The following IMPDH2 variants were observed in gnomAD, a reference collection of about 807,000 sequenced individuals.
IMPDH2 encodes inosine monophosphate dehydrogenase 2, also known as inosine-5'-monophosphate dehydrogenase 2.
Under a neutral mutation model 57.8 loss-of-function variants are expected in IMPDH2, and 33 were observed. The ratio of observed to expected loss-of-function variants is 0.57; its 90% CI spans 0.43 to 0.76. IMPDH2 has a LOEUF of 0.76. IMPDH2 is among the 30% of genes least tolerant of loss of function. IMPDH2 has a pLI of 0.00. For synonymous variants in IMPDH2, 270 were observed against 241.3 expected, an observed-to-expected ratio of 1.12 and a Z score of -1.10; for missense variants, 446 against 659.1, an observed-to-expected ratio of 0.68 and a Z score of 3.54.
intron 4 of IMPDH2, 62 bp from the exon 5 acceptor site, chr3:49,027,978 C>G: frequency 3.1e-6 from 4 of 1,275,388 alleles, no homozygotes; most frequent in Non-Finnish European, 4.5e-6. Context: ...GGCTCTTGAT[C>G]TGAAGCATGG....
chr3:49,028,853 C>A (rs1189243233), intron 1 of IMPDH2, 47 bp from the exon 2 acceptor site: 3 of 1,433,502 alleles, frequency 2.1e-6, no homozygotes, highest in Admixed American at 3.4e-5. Context: ...CAGCTTAGGG[C>A]AGCATGAGAC....
chr3:49,024,797 G>C lies in IMPDH2; in HGVS notation c.1301C>G (p.Ala434Gly). The C allele has an allele frequency of 6.2e-7, 1 of 1,614,220 alleles. No individual in the cohort carries two copies. The highest frequency in any genetic ancestry group is 8.5e-7 in the Non-Finnish European group (1 of 1,180,036). Residue 434 changes from alanine to glycine, a missense_variant, in exon 12 of 14, where the codon GCT (alanine) becomes GGT (glycine). Coordinates refer to ENST00000326739, the MANE Select transcript of IMPDH2 (RefSeq NM_000884.3). ...LSSQNRYFSE[A>G]DKIKVAQGVS... ...TCCCTGGGCCACTTTGATTTTGTCA[G>C]CTTCACTGCAGGGAGAGGCAGAGAC...
intron 4 of IMPDH2, 52 bp from the exon 5 acceptor site, chr3:49,027,968 G>A (rs2093206483): frequency 1.4e-6 from 2 of 1,383,586 alleles, no homozygotes; most frequent in South Asian, 2.4e-5. Context: ...ACTTTCATCA[G>A]GCTCTTGATC....
At chr3:49,025,099 C>A (rs746662160) in intron 10 of IMPDH2, 27 bp downstream of exon 10, 9 of 1,614,254 alleles carry the variant, frequency 5.6e-6, no homozygotes, top group Non-Finnish European at 7.6e-6. Flanking sequence ...GGGGGTCCCA[C>A]TGGCCTTCAC....
rs2106780966 is a variant in IMPDH2 at position 49,024,523 on chromosome 3, C to G, written c.1495G>C (p.Val499Leu). 2 of 1,614,182 alleles carry G rather than the reference C, an allele frequency of 1.2e-6. No homozygotes were observed. The highest frequency in any genetic ancestry group is 1.7e-6 in the Non-Finnish European group (2 of 1,180,026). The part of the protein sequence containing the change: ...KFEKRTSSAQ[V>L]EGGVHSLHSY... ...TGGAGGCTATGGACGCCACCTTCCA[C>G]CTGGGCTGAGGACGTTCTCTTCTCA... The change falls in exon 13 of 14, where the codon GTG (valine) becomes CTG (leucine). Residue 499 changes from valine (V) to leucine (L), a missense_variant. Coordinates refer to ENST00000326739, the MANE Select transcript of IMPDH2 (RefSeq NM_000884.3).
rs768940524 is a variant in IMPDH2, at chr3:49,029,371, G to T, written c.-21C>A. 14 of 1,527,600 alleles carry T rather than the reference G, an allele frequency of 9.2e-6. No homozygotes were observed. The highest frequency in any genetic ancestry group is 1.9e-5 in the Admixed American group (1 of 52,848). 94.6% of individuals were successfully genotyped at this position (1,527,600 alleles called of 1,614,324 possible). A position where few individuals can be genotyped will look rare whatever the true frequency, so the allele number is the denominator to read the frequency against. Reference sequence around the variant, plus strand: ...GCCATGGCCAACACAGGACACCGCCGCGTGTCTCCGAGGACCGCGCCGCAG... The same window carrying T: ...GCCATGGCCAACACAGGACACCGCCTCGTGTCTCCGAGGACCGCGCCGCAG... On this transcript the variant is annotated 5_prime_UTR_variant, in exon 1 of 14. Coordinates refer to ENST00000326739, the MANE Select transcript of IMPDH2 (RefSeq NM_000884.3).
In IMPDH2 at chr3:49,027,001, G is replaced by T; in HGVS notation, c.578C>A (p.Thr193Lys). The T allele has an allele frequency of 1.2e-6, 2 of 1,614,132 alleles. No homozygotes were observed. The highest frequency in any genetic ancestry group is 1.7e-6 in the Non-Finnish European group (2 of 1,179,962). ...EDLVVAPAGI[T>K]LKEANEILQR... Reference sequence around the variant, plus strand: ...CAGAATTTCATTTGCCTCCTTCAGTGTGATGCCTGCAGGGGCTACCACCAA... The same window carrying T: ...CAGAATTTCATTTGCCTCCTTCAGTTTGATGCCTGCAGGGGCTACCACCAA... Residue 193 changes from threonine to lysine, a missense_variant, in exon 6 of 14, where the codon ACA (threonine) becomes AAA (lysine). Transcript: ENST00000326739.
At position 49,024,764 on chromosome 3, in the gene IMPDH2, C is replaced by T. The variant is rs1340047186; in HGVS notation, c.1334G>A (p.Gly445Asp). The T allele has an allele frequency of 6.2e-7, 1 of 1,614,188 alleles. No homozygotes were observed. The highest frequency in any genetic ancestry group is 1.1e-5 in the South Asian group (1 of 91,082). Residue 445 changes from glycine (G) to aspartate (D), a missense_variant, in exon 12 of 14, where the codon GGT becomes GAT. By Grantham distance (94) the Gly-to-Asp change is moderately conservative (BLOSUM62 -1). Transcript: ENST00000326739. ...DKIKVAQGVS[G>D]AVQDKGSIHK... is the part of the protein sequence containing the mutation. ...GATTGACCCTTTGTCCTGCACAGCA[C>T]CAGACACTCCCTGGGCCACTTTGAT...
At chr3:49,027,676 T>C (rs185178483) in intron 5 of IMPDH2, 34 bp downstream of exon 5, 32 of 1,576,544 alleles carry the variant, frequency 2.0e-5, no homozygotes, top group Non-Finnish European at 2.8e-5. Context: ...CCTGGGCTGC[T>C]AGAGCTTGGA....
chr3:49,028,703 T>C (rs1046333955), intron 2 of IMPDH2, 55 bp downstream of exon 2: 1 of 1,484,164 alleles, frequency 6.7e-7, no homozygotes, highest in Non-Finnish European at 9.4e-7. Context: ...GACCAGGTGA[T>C]AGTAGCACCT....
intron 1 of IMPDH2, 68 bp downstream of exon 1, chr3:49,029,185 C>A (rs1254804529): frequency 1.2e-5 from 15 of 1,300,284 alleles, no homozygotes; most frequent in Non-Finnish European, 1.2e-5. Context: ...CTCTCGGAAG[C>A]CCCCATCTGG....
At chr3:49,025,901 A>C (rs529678336) in intron 9 of IMPDH2, 72 of 455,410 alleles carry the variant, frequency 1.6e-4, no homozygotes, top group Admixed American at 1.2e-3. Flanking sequence ...TTGCCCACCC[A>C]TCAGCACCAC....
rs577839635 is a variant in IMPDH2, at chr3:49,029,002, C to G, written c.99-196G>C. ...TGCCACCGAGCTGTCATCAGTGCTC[C>G]TGGCACCCTGACAATTCCATGTGTC... On this transcript the variant is annotated intron_variant, in intron 1 of 13. Coordinates refer to ENST00000326739, the MANE Select transcript of IMPDH2 (RefSeq NM_000884.3). 1.2e-5 allele frequency: 8 copies of G among 652,284 alleles called. No homozygotes were observed. The East Asian group carries it at 1.6e-4, about 13-fold the overall frequency. 40.4% of individuals were successfully genotyped at this position (652,284 alleles called of 1,614,324 possible). A position where few individuals can be genotyped will look rare whatever the true frequency, so the allele number is the denominator to read the frequency against.
At chr3:49,028,606 A>G in intron 2 of IMPDH2, 74 bp from the exon 3 acceptor site, 1 of 1,395,094 alleles carries the variant, frequency 7.2e-7, no homozygotes. Context: ...CCCCCACAAA[A>G]AGGCACTTTT....
rs199863216 is a variant in IMPDH2 at position 49,027,061 on chromosome 3, G to A, written c.532-14C>T. 71 of 1,581,826 alleles carry A rather than the reference G, an allele frequency of 4.5e-5. No individual in the cohort carries two copies. Among genetic ancestry groups the A allele is most frequent in the Middle Eastern group, 3.3e-4 (2 of 6,032 alleles). ...CTTTGTCATTATCTACGTGGGAGGT[G>A]AGATGTGAAGAAGGGCCAGTCATCG... On this transcript the variant is annotated splice_polypyrimidine_tract_variant and intron_variant, in intron 5 of 13. Coordinates refer to ENST00000326739, the MANE Select transcript of IMPDH2 (RefSeq NM_000884.3).
In IMPDH2 at chr3:49,027,724, A is replaced by G. The variant is rs753742879; in HGVS notation, c.517T>C (p.Cys173Arg). 1.2e-6 allele frequency: 2 copies of G among 1,614,132 alleles called. No homozygotes were observed. The highest frequency in any genetic ancestry group is 1.1e-5 in the South Asian group (1 of 91,090). The change falls in exon 5 of 14, where the codon TGT becomes CGT. Residue 173 changes from cysteine (C) to arginine (R), a missense_variant. Transcript: ENST00000326739. Reference sequence around the variant, plus strand: ...GTGGCACCCACCTCTTCCAAGAAACAGTCATGTTCCTCCTCTTTGAGAAAA... The same window carrying G: ...GTGGCACCCACCTCTTCCAAGAAACGGTCATGTTCCTCCTCTTTGAGAAAA... Reference protein sequence around the residue: ...IDFLKEEEHDCFLEEIMTKRE... With the variant: ...IDFLKEEEHDRFLEEIMTKRE...
In IMPDH2 at chr3:49,024,348, GAAAA is replaced by G. The variant is rs544017988; in HGVS notation, c.*31_*34del. 3.8e-6 allele frequency: 6 copies of G among 1,589,352 alleles called. No homozygotes were observed. Among genetic ancestry groups the G allele is most frequent in the Non-Finnish European group, 5.2e-6 (6 of 1,161,100 alleles). On this transcript the variant is annotated 3_prime_UTR_variant, in exon 14 of 14. Coordinates refer to ENST00000326739, the MANE Select transcript of IMPDH2 (RefSeq NM_000884.3). ...ACTTTTTTCTTTCTAAACTTTTATT[GAAAA>G]AAAAACCGAGGAGGTGTGCTGGATC...
chr3:49,027,633 A>C (rs1425519920), intron 5 of IMPDH2, 77 bp downstream of exon 5: 1 of 1,196,008 alleles, frequency 8.4e-7, no homozygotes, highest in African/African-American at 1.5e-5. Context: ...GCTATCAGAG[A>C]TGTCTTAGAC....
chr3:49,025,770 G>C (rs73082350), intron 9 of IMPDH2, among the ~76,000 whole-genome samples: 1 of 152,238 alleles, frequency 6.6e-6, no homozygotes, highest in South Asian at 2.1e-4. Context: ...TACTGCAGAA[G>C]ATGTGGGCAG....
Sources: allele counts gnomAD v4.1 joint callset (sites outside exome capture counted in the v4.1 genomes callset), GRCh38; gene constraint gnomAD v4.1.1; transcripts MANE v1.5; gene names NCBI Gene and HGNC (gene_info 2026-07-23, HGNC 2026-07-21).